The following ARFGEF3 variants were observed in gnomAD, a reference collection of about 807,000 sequenced individuals.
ARFGEF3 encodes ARFGEF family member 3, also known as brefeldin A-inhibited guanine nucleotide-exchange protein 3.
A neutral mutation model predicts 221.7 loss-of-function variants in ARFGEF3; 96 were observed. The observed-to-expected ratio is 0.43, with a 90% CI of 0.37 to 0.51. The LOEUF (loss-of-function observed/expected upper bound fraction) is 0.51. ARFGEF3 is among the 20% of genes least tolerant of loss of function. The pLI is 0.00. For synonymous variants in ARFGEF3, 1,145 were observed against 1,126.8 expected (o/e 1.02, Z -0.32); for missense variants, 2,410 against 2,789.9 (o/e 0.86, Z 3.07).
chr6:138,317,128 A>G (rs78900393), intron 26 of ARFGEF3, 123 bp from the exon 27 acceptor site: 40,034 of 985,480 alleles, frequency 0.041, 930 homozygotes, highest in South Asian at 0.046. Context: ...GGCTAACAAC[A>G]CTGGGTGATG....
chr6:138,164,106 C>T (rs117114474), intron 1 of ARFGEF3, among the ~76,000 whole-genome samples: 1,981 of 152,316 alleles, frequency 0.013, 20 homozygotes, highest in Middle Eastern at 0.02. Context: ...GTTAGAAGGG[C>T]ATGCTGGAGA....
rs142711296 is a variant in ARFGEF3, at chr6:138,335,032, G to A, written c.6186G>A (p.Pro2062=). 4.0e-5 allele frequency: 63 copies of A among 1,593,380 alleles called. No individual in the cohort carries two copies. The highest frequency in any genetic ancestry group is 3.0e-4 in the African/African-American group (22 of 74,544). ...EPLGPRGQDS[P]LLQRPQHLMD... is the part of the protein sequence containing the mutation. ...TGGGTCCCAGGGGCCAGGACTCCCC[G>A]CTGCTTCAGCGTCCCCAGCACTTGA... The change falls in exon 33 of 34, where the codon CCG becomes CCA. Residue 2062 remains proline, a synonymous_variant. Coordinates refer to ENST00000251691, the MANE Select transcript of ARFGEF3 (RefSeq NM_020340.5).
Position 138,278,703 on chromosome 6 carries a change from TG to T in ARFGEF3, c.2295+88del, listed in dbSNP as rs1354046924. The T allele has an allele frequency of 9.7e-5, 138 of 1,422,796 alleles. No homozygotes were observed. The African/African-American group carries it at 1.8e-3, about 18-fold the overall frequency. 88.1% of individuals were successfully genotyped at this position (1,422,796 alleles called of 1,614,324 possible). Reference sequence around the variant, plus strand: ...CCTAGCCTCAGTGCCCTGAGTGGGATGGCACAGCGTGTTTTGTTCCAGACTG... The same window carrying T: ...CCTAGCCTCAGTGCCCTGAGTGGGATGCACAGCGTGTTTTGTTCCAGACTG... On this transcript the variant is annotated intron_variant, in intron 13 of 33. Coordinates refer to ENST00000251691, the MANE Select transcript of ARFGEF3 (RefSeq NM_020340.5).
intron 8 of ARFGEF3, among the ~76,000 whole-genome samples, chr6:138,246,831 G>A (rs1045675664): frequency 6.6e-6 from 1 of 152,154 alleles, no homozygotes; most frequent in African/African-American, 2.4e-5. Context: ...TTTGCTAAAT[G>A]AGTAGCTTAC....
intron 22 of ARFGEF3, among the ~76,000 whole-genome samples, chr6:138,301,098 C>T (rs1254401620): frequency 6.6e-6 from 1 of 152,112 alleles, no homozygotes; most frequent in African/African-American, 2.4e-5. Context: ...TTTAAAATAA[C>T]AGTGCTTAAA....
chr6:138,269,953 T>C (rs1031762640), intron 12 of ARFGEF3, among the ~76,000 whole-genome samples: 2 of 152,184 alleles, frequency 1.3e-5, no homozygotes, highest in African/African-American at 4.8e-5. Flanking sequence ...CTACTCTTGT[T>C]AATAGGTGAC....
intron 27 of ARFGEF3, among the ~76,000 whole-genome samples, chr6:138,318,781 GAACA>G (rs1221003711): frequency 6.6e-6 from 1 of 151,896 alleles, no homozygotes; most frequent in Non-Finnish European, 1.5e-5. Context: ...CCACAATGTT[GAACA>G]AAGAAGCACA....
At chr6:138,225,996 GGACATA>G in intron 4 of ARFGEF3, among the ~76,000 whole-genome samples, 1 of 152,286 alleles carries the variant, frequency 6.6e-6, no homozygotes, top group Non-Finnish European at 1.5e-5. Context: ...AAGGGCTAGA[GGACATA>G]GACAAAGTCA....
chr6:138,210,125 T>A (rs1433366007), intron 4 of ARFGEF3, 84 bp downstream of exon 4: 10 of 1,391,248 alleles, frequency 7.2e-6, no homozygotes, highest in Non-Finnish European at 9.9e-6. Flanking sequence ...AAAATGCCTC[T>A]GCGTTGTGGT....
At chr6:138,260,162 C>CTTGT (rs1778761856) in intron 10 of ARFGEF3, among the ~76,000 whole-genome samples, 1 of 152,160 alleles carries the variant, frequency 6.6e-6, no homozygotes, top group Non-Finnish European at 1.5e-5. Context: ...GACTTTAGCC[C>CTTGT]CAGCCTTGTC....
intron 2 of ARFGEF3, among the ~76,000 whole-genome samples, chr6:138,196,225 G>A (rs1311256787): frequency 6.6e-6 from 1 of 152,118 alleles, no homozygotes; most frequent in Non-Finnish European, 1.5e-5. Flanking sequence ...ATACAGTCAT[G>A]CATGACTTAA....
intron 12 of ARFGEF3, among the ~76,000 whole-genome samples, chr6:138,272,808 T>G (rs951511266): frequency 2.6e-5 from 4 of 152,240 alleles, no homozygotes; most frequent in African/African-American, 4.8e-5. Flanking sequence ...GCACAGTTGG[T>G]AGGTGGGAAA....
chr6:138,227,192 G>A (rs1416510773), intron 4 of ARFGEF3, among the ~76,000 whole-genome samples: 1 of 152,094 alleles, frequency 6.6e-6, no homozygotes, highest in East Asian at 1.9e-4. Flanking sequence ...GTGGACTGTT[G>A]TTGCAGGGAG....
intron 4 of ARFGEF3, among the ~76,000 whole-genome samples, chr6:138,214,089 T>A (rs1777787900): frequency 6.6e-6 from 1 of 152,210 alleles, no homozygotes; most frequent in South Asian, 2.1e-4. Flanking sequence ...TTTAATAATC[T>A]CCAGAAGCCA....
chr6:138,275,027 A>T (rs1362719647), intron 12 of ARFGEF3, among the ~76,000 whole-genome samples: 1 of 151,944 alleles, frequency 6.6e-6, no homozygotes, highest in Non-Finnish European at 1.5e-5. Flanking sequence ...GAATTGCTTG[A>T]ACCCGGGAGG....
At chr6:138,222,825 A>T (rs192028401) in intron 4 of ARFGEF3, among the ~76,000 whole-genome samples, 29 of 152,232 alleles carry the variant, frequency 1.9e-4, no homozygotes, top group African/African-American at 6.7e-4. Flanking sequence ...TCGCTTGGGG[A>T]GTGTACCTTG....
chr6:138,194,283 A>G (rs1298750827), intron 2 of ARFGEF3, among the ~76,000 whole-genome samples: 6 of 152,004 alleles, frequency 3.9e-5, no homozygotes, highest in Non-Finnish European at 8.8e-5. Flanking sequence ...AAAAAAAAAA[A>G]AAAGATAGTG....
At chr6:138,192,558 G>A (rs975839665) in intron 2 of ARFGEF3, among the ~76,000 whole-genome samples, 4 of 152,186 alleles carry the variant, frequency 2.6e-5, no homozygotes, top group African/African-American at 4.8e-5. Flanking sequence ...AAGGCAAATG[G>A]TGCCACAAGT....
At chr6:138,214,031 T>G (rs1440478630) in intron 4 of ARFGEF3, among the ~76,000 whole-genome samples, 1 of 152,174 alleles carries the variant, frequency 6.6e-6, no homozygotes, top group Non-Finnish European at 1.5e-5. Flanking sequence ...CTTAGAATAA[T>G]AAGTTTTATC....
Sources: allele counts gnomAD v4.1 joint callset (sites outside exome capture counted in the v4.1 genomes callset), GRCh38; gene constraint gnomAD v4.1.1; transcripts MANE v1.5; gene names NCBI Gene and HGNC (gene_info 2026-07-23, HGNC 2026-07-21).